The following SPSB4 variants were observed in gnomAD, a reference collection of about 807,000 sequenced individuals.
The protein encoded by SPSB4 is SPRY domain-containing SOCS box protein 4.
In SPSB4, 21 loss-of-function variants were observed where a neutral mutation model predicts 20.9. The ratio of observed to expected loss-of-function variants is 1.01; its 90% CI spans 0.71 to 1.45. The LOEUF (loss-of-function observed/expected upper bound fraction) is 1.45, where lower values mean the gene tolerates loss of function less well. Among genes scored for constraint, SPSB4 ranks in the 40% most tolerant of loss-of-function variants. The pLI is 0.00. For synonymous variants in SPSB4, 207 were observed against 183.8 expected, an observed-to-expected ratio of 1.13 and a Z score of -1.02; for missense variants, 399 against 399.2, an observed-to-expected ratio of 1.00 and a Z score of 0.00.
At position 141,068,897 on chromosome 3, in the gene SPSB4, T is replaced by C. The variant is rs554871584; in HGVS notation, c.694+2099T>C. Among the ~76,000 whole-genome samples, 7 of 152,198 alleles carry C rather than the reference T, an allele frequency of 4.6e-5. No homozygotes were observed. In the East Asian group the frequency reaches 7.7e-4, roughly 17 times the overall value. On this transcript the variant is annotated intron_variant, in intron 2 of 2. Coordinates refer to ENST00000310546, the MANE Select transcript of SPSB4 (RefSeq NM_080862.3). Reference sequence around the variant, plus strand: ...GGAGCAGGGACCTACCTCATGGAGATTGGGTGAGGAAAGGCAGTTATGTTT... The same window carrying C: ...GGAGCAGGGACCTACCTCATGGAGACTGGGTGAGGAAAGGCAGTTATGTTT...
chr3:141,083,423 G>A (rs1938278728), intron 2 of SPSB4, among the ~76,000 whole-genome samples: 1 of 152,158 alleles, frequency 6.6e-6, no homozygotes, highest in Non-Finnish European at 1.5e-5. Flanking sequence ...CAGAAGATAT[G>A]AGAAAGGCCC....
At chr3:141,104,981 G>A (rs889304869) in intron 2 of SPSB4, among the ~76,000 whole-genome samples, 3 of 152,180 alleles carry the variant, frequency 2.0e-5, no homozygotes, top group African/African-American at 4.8e-5. Flanking sequence ...CATCCAAGCC[G>A]CCTGCAGGTT....
intron 2 of SPSB4, among the ~76,000 whole-genome samples, chr3:141,122,243 A>G (rs1404427191): frequency 6.6e-6 from 1 of 152,220 alleles, no homozygotes; most frequent in Non-Finnish European, 1.5e-5. Flanking sequence ...TATCACCAGC[A>G]GAGGCTGCAG....
intron 1 of SPSB4, among the ~76,000 whole-genome samples, chr3:141,059,513 T>C (rs1308021417): frequency 1.3e-5 from 2 of 151,180 alleles, no homozygotes; most frequent in African/African-American, 4.9e-5. Flanking sequence ...TGGGGAGGTG[T>C]CACACACTTT....
chr3:141,053,232 G>T (rs1386239067), intron 1 of SPSB4, among the ~76,000 whole-genome samples: 1 of 68,060 alleles, frequency 1.5e-5, no homozygotes, highest in East Asian at 3.8e-4. Context: ...CCCCACCCGC[G>T]CAATTTGATG....
intron 2 of SPSB4, among the ~76,000 whole-genome samples, chr3:141,090,896 G>A (rs75969631): frequency 0.097 from 14,809 of 152,218 alleles, 1,392 homozygotes; most frequent in African/African-American, 0.25. Flanking sequence ...GCTCGGGATG[G>A]CAGCAGTGAA....
chr3:141,078,948 A>G (rs565108982), intron 2 of SPSB4, among the ~76,000 whole-genome samples: 1 of 152,328 alleles, frequency 6.6e-6, no homozygotes, highest in South Asian at 2.1e-4. Context: ...CATCACTCAG[A>G]GGCCACACGG....
rs534271649 is a variant in SPSB4, at chr3:141,135,757, G to C, written c.695-11385G>C. Among the ~76,000 whole-genome samples, 14 of 152,084 alleles carry C rather than the reference G, an allele frequency of 9.2e-5. No homozygotes were observed. In the East Asian group the frequency reaches 2.7e-3, roughly 29 times the overall value. On this transcript the variant is annotated intron_variant, in intron 2 of 2. Transcript: ENST00000310546. ...CAGTCTATCATTGTTGGACATTTGG[G>C]TTGGTTCCAAGTCTTTGCTATTGTG...
At chr3:141,142,998 A>T (rs1019722971) in intron 2 of SPSB4, among the ~76,000 whole-genome samples, 9 of 151,320 alleles carry the variant, frequency 5.9e-5, no homozygotes, top group African/African-American at 2.2e-4. Context: ...TTGTGTTTTT[A>T]GTAGAAATGG....
In SPSB4 at chr3:141,147,505, A is replaced by G. The variant is rs1037434666; in HGVS notation, c.*236A>G. On this transcript the variant is annotated 3_prime_UTR_variant, in exon 3 of 3. Coordinates refer to ENST00000310546, the MANE Select transcript of SPSB4 (RefSeq NM_080862.3). ...CAAGTCAGACACCTCCTTCGGAGCCACAGAGAGCCTGGAGTCTGCACCTCC... is the reference window on the plus strand; with the variant it reads ...CAAGTCAGACACCTCCTTCGGAGCCGCAGAGAGCCTGGAGTCTGCACCTCC... The G allele has an allele frequency of 3.5e-6, 2 of 570,608 alleles. No individual in the cohort carries two copies. Among genetic ancestry groups the G allele is most frequent in the Non-Finnish European group, 3.0e-6 (1 of 334,842 alleles). 35.3% of individuals were successfully genotyped at this position (570,608 alleles called of 1,614,324 possible).
At chr3:141,103,906 C>T (rs1316878597) in intron 2 of SPSB4, among the ~76,000 whole-genome samples, 1 of 151,390 alleles carries the variant, frequency 6.6e-6, no homozygotes, top group Non-Finnish European at 1.5e-5. Context: ...AGTTCAAGAT[C>T]AGGGAATAAT....
chr3:141,119,451 T>C (rs1938929719), intron 2 of SPSB4, among the ~76,000 whole-genome samples: 1 of 152,172 alleles, frequency 6.6e-6, no homozygotes, highest in Non-Finnish European at 1.5e-5. Context: ...GACAATTTGA[T>C]TTCCTCTTTT....
At chr3:141,140,972 C>A (rs928867542) in intron 2 of SPSB4, among the ~76,000 whole-genome samples, 1 of 152,220 alleles carries the variant, frequency 6.6e-6, no homozygotes, top group African/African-American at 2.4e-5. Flanking sequence ...CTGTGGTGGG[C>A]TCCACCCAGT....
chr3:141,110,926 G>A (rs62283595), intron 2 of SPSB4, among the ~76,000 whole-genome samples: 9,130 of 152,324 alleles, frequency 0.06, 392 homozygotes, highest in Middle Eastern at 0.099. Context: ...CGGCTCCAAA[G>A]TGGCAGAGCA....
rs77424090 is a variant in SPSB4, at chr3:141,104,833, A to G, written c.694+38035A>G. Among the ~76,000 whole-genome samples, 7 of 152,256 alleles carry G rather than the reference A, an allele frequency of 4.6e-5. No individual in the cohort carries two copies. The East Asian group carries it at 1.2e-3, about 25-fold the overall frequency. On this transcript the variant is annotated intron_variant, in intron 2 of 2. Coordinates refer to ENST00000310546, the MANE Select transcript of SPSB4 (RefSeq NM_080862.3). ...CAAGCTGGGAAAAATAAAGCGTCAC[A>G]GAATTTGCGCCGTTAGAGTTGAGGA...
At chr3:141,128,081 G>A (rs548589963) in intron 2 of SPSB4, among the ~76,000 whole-genome samples, 4 of 152,338 alleles carry the variant, frequency 2.6e-5, no homozygotes, top group South Asian at 2.1e-4. Context: ...CTGAAGAGAC[G>A]GCCCTGCGGC....
intron 1 of SPSB4, among the ~76,000 whole-genome samples, chr3:141,053,102 G>A (rs561191328): frequency 3.0e-4 from 46 of 151,970 alleles, no homozygotes; most frequent in African/African-American, 1.1e-3. Context: ...ACCTCCCCCC[G>A]CTTGGTTTCC....
intron 1 of SPSB4, among the ~76,000 whole-genome samples, chr3:141,059,841 G>A (rs1937728496): frequency 6.6e-6 from 1 of 152,212 alleles, no homozygotes; most frequent in African/African-American, 2.4e-5. Context: ...CTTTACAGGT[G>A]TCTGCTCTGA....
In SPSB4 at chr3:141,100,188, C is replaced by A. The variant is rs545859338; in HGVS notation, c.694+33390C>A. Among the ~76,000 whole-genome samples, 45 of 152,318 alleles carry A rather than the reference C, an allele frequency of 3.0e-4. No homozygotes were observed. In the South Asian group the frequency reaches 9.3e-3, roughly 32 times the overall value. On this transcript the variant is annotated intron_variant, in intron 2 of 2. Coordinates refer to ENST00000310546, the MANE Select transcript of SPSB4 (RefSeq NM_080862.3). ...CTTATCTTCTCTTGCAGAAAATAGA[C>A]AGAAGTGTTATGAGTTGATTGTGTC...
Sources: gnomAD v4.1 joint callset for allele counts (sites outside exome capture counted in the v4.1 genomes callset) on GRCh38, gnomAD v4.1.1 for gene constraint, MANE v1.5 for transcripts, NCBI Gene and HGNC (gene_info 2026-07-23, HGNC 2026-07-21) for gene names.